The following SOS1 variants were observed in gnomAD, a reference collection of about 807,000 sequenced individuals.
The protein encoded by SOS1 is son of sevenless homolog 1.
A neutral mutation model predicts 157.6 loss-of-function variants in SOS1; 25 were observed. That is an observed-to-expected ratio of 0.16 (90% CI 0.12 to 0.22). The LOEUF (loss-of-function observed/expected upper bound fraction) is 0.22. Ranked by LOEUF, SOS1 falls within the 10% of genes least tolerant of loss-of-function variation. SOS1 has a pLI of 1.00. For synonymous variants in SOS1, 528 were observed against 534.0 expected (o/e 0.99, Z 0.16); for missense variants, 1,237 against 1,599.1 (o/e 0.77, Z 3.86).
chr2:39,088,536 G>A (rs1022702411), intron 1 of SOS1, among the ~76,000 whole-genome samples: 2 of 151,980 alleles, frequency 1.3e-5, no homozygotes, highest in Non-Finnish European at 2.9e-5. Context: ...CTGTCTCTAT[G>A]AATTGAACTA....
intron 1 of SOS1, among the ~76,000 whole-genome samples, chr2:39,102,677 G>A (rs1317550381): frequency 5.3e-5 from 8 of 152,090 alleles, no homozygotes; most frequent in Non-Finnish European, 5.9e-5. Flanking sequence ...GGGCATGGTA[G>A]CTCACGCCCA....
intron 1 of SOS1, among the ~76,000 whole-genome samples, chr2:39,081,422 A>T (rs1253075721): frequency 9.2e-5 from 14 of 152,026 alleles, no homozygotes; most frequent in African/African-American, 3.4e-4. Context: ...GGGGAGGCTG[A>T]GGCAGGAGAA....
chr2:39,109,161 T>C (rs940011127), intron 1 of SOS1, among the ~76,000 whole-genome samples: 1 of 152,156 alleles, frequency 6.6e-6, no homozygotes, highest in Non-Finnish European at 1.5e-5. Flanking sequence ...ATCGCACTAC[T>C]GCACTCCAGC....
At chr2:39,121,622 T>A (rs117826108), upstream of SOS1, among the ~76,000 whole-genome samples, 3 of 152,366 alleles carry the variant, frequency 2.0e-5, no homozygotes, top group East Asian at 5.8e-4. Context: ...TTTCCTCCAG[T>A]GGATATCGAG....
rs1476000771 is a variant in SOS1, at chr2:39,038,633, C to A, written c.865-3133G>T. Among the ~76,000 whole-genome samples the A allele has an allele frequency of 2.7e-5, 4 of 149,494 alleles. No homozygotes were observed. In the South Asian group the frequency reaches 8.5e-4, roughly 32 times the overall value. On this transcript the variant is annotated intron_variant, in intron 6 of 22. Transcript: ENST00000402219. ...CCTGTAGTCCTAGCTACTCGGGAGG[C>A]TGAGGCAGGAGAATCGCTAGAACCT...
At chr2:38,994,898 T>C (rs941828307) in intron 20 of SOS1, among the ~76,000 whole-genome samples, 1 of 152,194 alleles carries the variant, frequency 6.6e-6, no homozygotes, top group Non-Finnish European at 1.5e-5. Context: ...AGGCCTTTCA[T>C]TAACGTATAA....
At chr2:39,073,961 T>C (rs975223234) in intron 1 of SOS1, among the ~76,000 whole-genome samples, 1 of 152,212 alleles carries the variant, frequency 6.6e-6, no homozygotes, top group Non-Finnish European at 1.5e-5. Flanking sequence ...TCTTTCTTAG[T>C]GTTACAATTC....
chr2:39,093,740 AC>A (rs1672672276), intron 1 of SOS1, among the ~76,000 whole-genome samples: 2 of 152,174 alleles, frequency 1.3e-5, no homozygotes, highest in African/African-American at 4.8e-5. Flanking sequence ...AGATCACTTA[AC>A]GACTTTGACT....
intron 1 of SOS1, among the ~76,000 whole-genome samples, chr2:39,102,430 T>G (rs541698954): frequency 2.1e-5 from 3 of 143,532 alleles, no homozygotes; most frequent in South Asian, 4.3e-4. Flanking sequence ...CTAGACTAGG[T>G]TGAGGTAGGA....
intron 1 of SOS1, among the ~76,000 whole-genome samples, chr2:39,120,098 G>T (rs1159832434): frequency 4.6e-5 from 7 of 152,130 alleles, no homozygotes; most frequent in Admixed American, 3.9e-4. Flanking sequence ...CACCTCTCAG[G>T]GGTTGGATTA....
intron 2 of SOS1, among the ~76,000 whole-genome samples, chr2:39,063,996 C>A (rs755761599): frequency 2.0e-5 from 3 of 152,050 alleles, no homozygotes; most frequent in Non-Finnish European, 1.5e-5. Context: ...CCATGGCCAG[C>A]TAATTTTTTG....
At chr2:39,055,621 G>A (rs1398758139) in intron 4 of SOS1, among the ~76,000 whole-genome samples, 1 of 151,890 alleles carries the variant, frequency 6.6e-6, no homozygotes, top group African/African-American at 2.4e-5. Flanking sequence ...CATTCTCAAA[G>A]AACAAATAAA....
chr2:39,046,935 T>C (rs1014683920), intron 6 of SOS1, among the ~76,000 whole-genome samples: 1 of 152,228 alleles, frequency 6.6e-6, no homozygotes, highest in Admixed American at 6.5e-5. Context: ...CTCTTGGTCA[T>C]TGTATGTTTG....
At chr2:39,046,612 C>T (rs1171223731) in intron 6 of SOS1, among the ~76,000 whole-genome samples, 1 of 151,174 alleles carries the variant, frequency 6.6e-6, no homozygotes. Flanking sequence ...TCACGCCATT[C>T]TCCTGCCTCA....
At position 39,007,808 on chromosome 2, in the gene SOS1, AACACACAT is replaced by A. The variant is rs536270195; in HGVS notation, c.2511-623_2511-616del. On this transcript the variant is annotated intron_variant, in intron 15 of 22. Transcript: ENST00000402219. ...GAGTGAAACTGGTAAAAATTATTAA[AACACACAT>A]ACACACAAACACACACATGCACACG... Among the ~76,000 whole-genome samples, 194 of 152,202 alleles carry A rather than the reference AACACACAT, an allele frequency of 1.3e-3. 1 individual carries two copies. Among genetic ancestry groups the A allele is most frequent in the African/African-American group, 4.3e-3 (177 of 41,540 alleles).
rs967251084 is a variant in SOS1, at chr2:39,111,723, C to CA, written c.87+8612_87+8613insT. 3.2e-3 allele frequency among the ~76,000 whole-genome samples: 457 copies of CA among 141,264 alleles called. 8 individuals carry two copies. The highest frequency in any genetic ancestry group is 1.9e-3 in the East Asian group (9 of 4,858). 92.7% of individuals were successfully genotyped at this position (141,264 alleles called of 152,430 possible). On this transcript the variant is annotated intron_variant, in intron 1 of 22. Transcript: ENST00000402219. ...TCTTACCTGCTTCATCTCTGGAATC[C>CA]TTTTTTTTTTTTTTTCTTTTTTTGA...
At chr2:39,035,651 G>T (rs1480643514) in intron 6 of SOS1, 151 bp from the exon 7 acceptor site, 5 of 651,720 alleles carry the variant, frequency 7.7e-6, no homozygotes, top group Non-Finnish European at 1.4e-5. Flanking sequence ...AATTTTAATA[G>T]AAGAGATCCC....
rs370638672 is a variant in SOS1 at position 39,114,536 on chromosome 2, C to G, written c.87+5800G>C. 1.2e-4 allele frequency among the ~76,000 whole-genome samples: 18 copies of G among 152,184 alleles called. No individual in the cohort carries two copies. In the East Asian group the frequency reaches 2.9e-3, roughly 25 times the overall value. On this transcript the variant is annotated intron_variant, in intron 1 of 22. Transcript: ENST00000402219. ...TAGGCTGGTATCGAACTCCTGACCT[C>G]AGGTGATCCCCCGCCTCAGCCTCTC...
At chr2:39,090,348 T>A (rs371958903) in intron 1 of SOS1, among the ~76,000 whole-genome samples, 1 of 152,132 alleles carries the variant, frequency 6.6e-6, no homozygotes, top group South Asian at 2.1e-4. Flanking sequence ...TGGGGGCTGG[T>A]TGACATAGTA....
Sources: gnomAD v4.1 joint callset for allele counts (sites outside exome capture counted in the v4.1 genomes callset) on GRCh38, gnomAD v4.1.1 for gene constraint, MANE v1.5 for transcripts, NCBI Gene and HGNC (gene_info 2026-07-23, HGNC 2026-07-21) for gene names.